The following NRBP1 variants were observed in gnomAD, a reference collection of about 807,000 sequenced individuals.
The protein encoded by NRBP1 is nuclear receptor binding protein 1.
A neutral mutation model predicts 76.0 loss-of-function variants in NRBP1; 10 were observed. The ratio of observed to expected loss-of-function variants is 0.13; its 90% CI spans 0.08 to 0.22. The LOEUF (loss-of-function observed/expected upper bound fraction) is 0.22. Among genes scored for constraint, NRBP1 ranks in the 10% least tolerant of loss-of-function variants. NRBP1 has a pLI of 1.00. For missense variants in NRBP1, 344 were observed against 646.0 expected (o/e 0.53, Z 5.07); for synonymous variants, 235 against 240.2 (o/e 0.98, Z 0.20).
At chr2:27,435,095 T>A in intron 6 of NRBP1, 38 bp from the exon 7 acceptor site, 1 of 1,441,390 alleles carries the variant, frequency 6.9e-7, no homozygotes, top group Non-Finnish European at 9.7e-7. Flanking sequence ...TGCCCTTAAT[T>A]TCCCAGTGGC....
chr2:27,428,481 G>GC (rs1663950612), upstream of NRBP1: 1 of 393,974 alleles, frequency 2.5e-6, no homozygotes, highest in South Asian at 1.4e-4. Flanking sequence ...CCGGACCGGC[G>GC]CAAGGGGAGG....
At chr2:27,440,627 A>G (rs930191656) in intron 12 of NRBP1, 25 bp from the exon 13 acceptor site, 21 of 1,613,598 alleles carry the variant, frequency 1.3e-5, no homozygotes, top group Non-Finnish European at 1.7e-5. Flanking sequence ...CTTTCCTTCC[A>G]TCTCCTTTCT....
chr2:27,440,906 C>A lies in NRBP1; in HGVS notation c.1295C>A (p.Pro432Gln). 5.0e-6 allele frequency: 8 copies of A among 1,613,892 alleles called. No individual in the cohort carries two copies. Among genetic ancestry groups the A allele is most frequent in the Non-Finnish European group, 6.8e-6 (8 of 1,180,042 alleles). ...SPVVPPSVKTPTPEPAEVETR... is the reference protein window; with the variant it reads ...SPVVPPSVKTQTPEPAEVETR... ...GTCGTGCCCCCCTCTGTCAAGACTC[C>A]GACACCTGAACCAGCTGAGGTGGAG... The change falls in exon 14 of 18, where the codon CCG becomes CAG. Residue 432 changes from proline (P) to glutamine (Q), a missense_variant. Pro to Gln is a moderately conservative substitution (Grantham distance 76). This residue lies in a region of NRBP1 where 218 missense variants were observed against 309.8 expected (regional missense o/e 0.70). Coordinates refer to ENST00000379852, the MANE Select transcript of NRBP1 (RefSeq NM_013392.4).
intron 10 of NRBP1, among the ~76,000 whole-genome samples, chr2:27,437,934 C>G (rs138722431): frequency 0.026 from 3,932 of 151,406 alleles, 181 homozygotes; most frequent in African/African-American, 0.091. Context: ...CACCTGTAAT[C>G]CCAGCACTTT....
chr2:27,441,209 G>C (rs1326267710), intron 15 of NRBP1, 29 bp downstream of exon 15: 1 of 1,613,906 alleles, frequency 6.2e-7, no homozygotes, highest in East Asian at 2.2e-5. Flanking sequence ...GTTGCGCAGG[G>C]CTAGTAGCCA....
At chr2:27,439,646 C>A in intron 10 of NRBP1, 120 bp from the exon 11 acceptor site, 1 of 1,088,854 alleles carries the variant, frequency 9.2e-7, no homozygotes, top group Non-Finnish European at 1.3e-6. Flanking sequence ...ATTGTTTTCT[C>A]AGCAAGTGCT....
chr2:27,435,675 T>C, intron 7 of NRBP1: 1 of 717,738 alleles, frequency 1.4e-6, no homozygotes, highest in Non-Finnish European at 2.6e-6. Flanking sequence ...CTCACAACTT[T>C]TCTCTGTTTT....
intron 5 of NRBP1, 39 bp downstream of exon 5, chr2:27,434,599 T>C: frequency 6.3e-7 from 1 of 1,599,806 alleles, no homozygotes; most frequent in East Asian, 2.2e-5. Context: ...GGCTGGTTTT[T>C]GGGGGTGGTT....
intron 10 of NRBP1, among the ~76,000 whole-genome samples, chr2:27,439,413 A>G (rs994332185): frequency 6.7e-6 from 1 of 149,782 alleles, no homozygotes; most frequent in African/African-American, 2.5e-5. Flanking sequence ...TGAACCCGGT[A>G]GGCAGAGGTT....
chr2:27,428,536 C>T, upstream of NRBP1: 1 of 396,230 alleles, frequency 2.5e-6, no homozygotes, highest in Non-Finnish European at 4.5e-6. Context: ...AGGGCCGGGC[C>T]CCGCCCACCC....
intron 4 of NRBP1, 29 bp downstream of exon 4, chr2:27,434,119 A>G (rs1664214984): frequency 6.7e-7 from 1 of 1,502,966 alleles, no homozygotes. Context: ...TATTTCCTGA[A>G]CTTATTGCAA....
At position 27,433,366 on chromosome 2, in the gene NRBP1, A is replaced by T. The variant is rs1664181083; in HGVS notation, c.93A>T (p.Ser31=). The change falls in exon 2 of 18, where the codon TCA becomes TCT. Residue 31 remains serine, a synonymous_variant. Transcript: ENST00000379852. The part of the protein sequence containing the change: ...SSSAPGLTSV[S]PPVTSTTSAA... Reference sequence around the variant, plus strand: ...CAGCTCCTGGCCTGACATCAGTGTCACCTCCTGTGACCTCCACAACCTCAG... The same window carrying T: ...CAGCTCCTGGCCTGACATCAGTGTCTCCTCCTGTGACCTCCACAACCTCAG... 1.9e-6 allele frequency: 3 copies of T among 1,614,224 alleles called. No individual in the cohort carries two copies. Among genetic ancestry groups the T allele is most frequent in the Non-Finnish European group, 2.5e-6 (3 of 1,180,042 alleles).
chr2:27,435,283 G>T, intron 7 of NRBP1, 56 bp downstream of exon 7: 1 of 1,478,510 alleles, frequency 6.8e-7, no homozygotes, highest in Non-Finnish European at 9.4e-7. Flanking sequence ...GGAACCATGG[G>T]GGTAAGATGA....
At chr2:27,433,581 G>A (rs1664189736) in intron 2 of NRBP1, 92 bp from the exon 3 acceptor site, 4 of 1,603,076 alleles carry the variant, frequency 2.5e-6, no homozygotes, top group Middle Eastern at 1.7e-4. Context: ...ACTTCAATAG[G>A]TTGGGGGCTA....
At chr2:27,438,931 C>G (rs1312347435) in intron 10 of NRBP1, among the ~76,000 whole-genome samples, 1 of 152,080 alleles carries the variant, frequency 6.6e-6, no homozygotes, top group Non-Finnish European at 1.5e-5. Context: ...TGTACTCCAG[C>G]CTGGTTGGCA....
Position 27,440,744 on chromosome 2 carries a change from C to A in NRBP1, c.1193+42C>A, listed in dbSNP as rs150525765. 6.3e-5 allele frequency: 101 copies of A among 1,614,030 alleles called. No individual in the cohort carries two copies. In the East Asian group the frequency reaches 2.1e-3, roughly 33 times the overall value. On this transcript the variant is annotated intron_variant, in intron 13 of 17. Transcript: ENST00000379852. ...AAGCAGGCTTTCTTGAGGAAGCAGG[C>A]GGGGTTGGGTATCCTAAGGCGTTCA...
chr2:27,434,566 G>C lies in NRBP1; in HGVS notation c.525+6G>C, dbSNP rs1470762106. On this transcript the variant is annotated splice_donor_region_variant and intron_variant, in intron 5 of 17. Coordinates refer to ENST00000379852, the MANE Select transcript of NRBP1 (RefSeq NM_013392.4). ...ACAAGACGATGAATGAAAAGGTATA[G>C]AAGGAGAGCAGACAAAGTTTGAGGC... The C allele has an allele frequency of 6.2e-7, 1 of 1,613,122 alleles. No individual in the cohort carries two copies. Among genetic ancestry groups the C allele is most frequent in the Non-Finnish European group, 8.5e-7 (1 of 1,179,056 alleles).
chr2:27,428,734 G>A lies in NRBP1; in HGVS notation c.-21+3G>A, dbSNP rs2303371. 7.5e-6 allele frequency: 3 copies of A among 397,474 alleles called. No homozygotes were observed. The highest frequency in any genetic ancestry group is 6.2e-4 in the Middle Eastern group (1 of 1,602). 24.6% of individuals were successfully genotyped at this position (397,474 alleles called of 1,614,324 possible). A position where few individuals can be genotyped will look rare whatever the true frequency, so the allele number is the denominator to read the frequency against. On this transcript the variant is annotated splice_donor_region_variant and intron_variant, in intron 1 of 17. Transcript: ENST00000379852. ...GCTGCGGGGCGCGGAGTCGGGAGGT[G>A]AGCGCCCAGGGAAAAGAGGGCCCGG...
chr2:27,441,708 G>A lies in NRBP1; in HGVS notation c.1504G>A (p.Ala502Thr), dbSNP rs1664574552. The change falls in exon 18 of 18, where the codon GCT (alanine) becomes ACT (threonine). Residue 502 changes from alanine to threonine, a missense_variant and splice_region_variant. By Grantham distance (58) the Ala-to-Thr change is moderately conservative (BLOSUM62 0). Transcript: ENST00000379852. ...ELVQLGFISE[A>T]DQSRLTSLLE... The stretch of plus-strand genomic sequence containing the variant: ...ATCTTACTGAGCTCTTCTCCCCCAG[G>A]CTGACCAGAGCCGGTTGACTTCTCT... 1 of 1,613,606 alleles carries A rather than the reference G, an allele frequency of 6.2e-7. No individual in the cohort carries two copies. Among genetic ancestry groups the A allele is most frequent in the Non-Finnish European group, 8.5e-7 (1 of 1,179,636 alleles).
Sources: gnomAD v4.1 joint callset for allele counts (sites outside exome capture counted in the v4.1 genomes callset) on GRCh38, gnomAD v4.1.1 for gene constraint, gnomAD v4.1.1 regional missense constraint, MANE v1.5 for transcripts, NCBI Gene and HGNC (gene_info 2026-07-23, HGNC 2026-07-21) for gene names.